Variants in TTN observed in about 807,000 individuals in gnomAD.
TTN encodes titin, also known as connectin.
In TTN, 1,525 loss-of-function variants were observed where a neutral mutation model predicts 3,223.0. That is an observed-to-expected ratio of 0.47 (90% CI 0.45 to 0.49). The LOEUF is 0.49. Ranked by LOEUF, TTN falls within the 20% of genes least tolerant of loss-of-function variation. The pLI is 0.00. For missense variants in TTN, 40,786 were observed against 43,424.0 expected (o/e 0.94, Z 5.40); for synonymous variants, 14,094 against 15,161.0 (o/e 0.93, Z 5.17).
chr2:178,778,416 C>CGGCG, intron 24 of TTN: 1 of 225,260 alleles, frequency 4.4e-6, no homozygotes, highest in Non-Finnish European at 8.8e-6. Flanking sequence ...AATTTGGAAA[C>CGGCG]AAAACAAAGC....
rs1162801145 is a variant in TTN at position 178,635,533 on chromosome 2, A to G, written c.41791T>C (p.Tyr13931His). The change falls in exon 227 of 363, where the codon TAC (tyrosine) becomes CAC (histidine). Residue 13931 changes from tyrosine to histidine, a missense_variant. Tyr to His is a moderately conservative substitution (Grantham distance 83). Transcript: ENST00000589042. ...TEILRDGNHLYLKIKNAMPED... is the reference protein window; with the variant it reads ...TEILRDGNHLHLKIKNAMPED... ...GGCATAGCATTCTTAATTTTGAGGTACAGATGATTTCCATCTCTCAGTATT... is the reference window on the plus strand; with the variant it reads ...GGCATAGCATTCTTAATTTTGAGGTGCAGATGATTTCCATCTCTCAGTATT... 1 of 1,597,436 alleles carries G rather than the reference A, an allele frequency of 6.3e-7. No individual in the cohort carries two copies. Among genetic ancestry groups the G allele is most frequent in the Non-Finnish European group, 8.5e-7 (1 of 1,170,720 alleles).
chr2:178,678,055 A>C (rs1434648945), intron 145 of TTN, 70 bp downstream of exon 145: 2 of 1,559,522 alleles, frequency 1.3e-6, no homozygotes, highest in East Asian at 2.2e-5. Flanking sequence ...AGCATTAATT[A>C]TAATTAGTAA....
rs1463600044 is a variant in TTN at position 178,793,618 on chromosome 2, C to A, written c.1399-77G>T. ...ATTAGTTCAAGACCAGCCTCGCCAACATGGTGAAATCCTCTACTAAAAAAT... is the reference window on the plus strand; with the variant it reads ...ATTAGTTCAAGACCAGCCTCGCCAAAATGGTGAAATCCTCTACTAAAAAAT... On this transcript the variant is annotated intron_variant, in intron 8 of 362. Transcript: ENST00000589042. 4.4e-6 allele frequency: 7 copies of A among 1,594,608 alleles called. No homozygotes were observed. The Admixed American group carries it at 1.2e-4, about 27-fold the overall frequency.
At position 178,727,377 on chromosome 2, in the gene TTN, G is replaced by T. The variant is rs1578104295; in HGVS notation, c.19994-6C>A. 6.3e-7 allele frequency: 1 copy of T among 1,578,448 alleles called. No individual in the cohort carries two copies. Among genetic ancestry groups the T allele is most frequent in the Non-Finnish European group, 8.6e-7 (1 of 1,163,582 alleles). On this transcript the variant is annotated splice_polypyrimidine_tract_variant and splice_region_variant and intron_variant, in intron 68 of 362. Transcript: ENST00000589042. ...CTTTACAAACTTTGGTGGTTCTAAAGAGTCAGGAAAGAGGAGAGTATCAGG... is the reference window on the plus strand; with the variant it reads ...CTTTACAAACTTTGGTGGTTCTAAATAGTCAGGAAAGAGGAGAGTATCAGG...
Position 178,706,589 on chromosome 2 carries a change from G to A in TTN, c.29285C>T (p.Thr9762Ile), listed in dbSNP as rs1347223686. The change falls in exon 102 of 363, where the codon ACA (threonine) becomes ATA (isoleucine). Residue 9762 changes from threonine (T) to isoleucine (I), a missense_variant. Physicochemically the swap from Thr to Ile is moderately conservative, Grantham distance 89. Transcript: ENST00000589042. ...TCGGTATAACCCAGAATCAGTTTTT[G>A]TGGTGTCCCTAATCTCCAGTTTTGC... ...DEAKLEIRDT[T>I]KTDSGLYRCV... 2.5e-6 allele frequency: 4 copies of A among 1,613,824 alleles called. No homozygotes were observed. Among genetic ancestry groups the A allele is most frequent in the East Asian group, 2.2e-5 (1 of 44,872 alleles).
In TTN at chr2:178,548,677, C is replaced by A; in HGVS notation, c.92949G>T (p.Val30983=). The A allele has an allele frequency of 6.2e-7, 1 of 1,613,796 alleles. No individual in the cohort carries two copies. Among genetic ancestry groups the A allele is most frequent in the Non-Finnish European group, 8.5e-7 (1 of 1,179,788 alleles). ...CTGCATCATTTCTGTTGCAGTTTTCCACAGTGAGGGTGCTGAAGGAATCTG... is the reference window on the plus strand; with the variant it reads ...CTGCATCATTTCTGTTGCAGTTTTCAACAGTGAGGGTGCTGAAGGAATCTG... ...HTTDSFSTLT[V]ENCNRNDAGK... is the part of the protein sequence containing the mutation. Residue 30983 remains valine (V), a synonymous_variant, in exon 339 of 363, where the codon GTG becomes GTT. Coordinates refer to ENST00000589042, the MANE Select transcript of TTN (RefSeq NM_001267550.2). The surrounding 1 kb of genome is among the most constrained non-coding windows in gnomAD (Gnocchi z 4.3).
At chr2:178,790,330 G>C (rs2093420351) in intron 11 of TTN, among the ~76,000 whole-genome samples, 1 of 152,132 alleles carries the variant, frequency 6.6e-6, no homozygotes, top group African/African-American at 2.4e-5. Flanking sequence ...AAAAAAATGT[G>C]ATTAGCAATA....
Position 178,545,947 on chromosome 2 carries a change from T to G in TTN, c.95289A>C (p.Pro31763=). The part of the protein sequence containing the change: ...LNWVIVEGEC[P]TLSYVVTRLI... ...GCCTGGTAACGACATAGGATAGGGT[T>G]GGGCATTCGCCTTCAACAATCACCC... The change falls in exon 343 of 363, where the codon CCA becomes CCC. Residue 31763 remains proline (P), a synonymous_variant. Coordinates refer to ENST00000589042, the MANE Select transcript of TTN (RefSeq NM_001267550.2). 1 of 1,613,886 alleles carries G rather than the reference T, an allele frequency of 6.2e-7. No individual in the cohort carries two copies. The highest frequency in any genetic ancestry group is 1.7e-5 in the Admixed American group (1 of 60,012).
In TTN at chr2:178,539,428, GC is replaced by G; in HGVS notation, c.98636del (p.Ser32879ThrfsTer4). 6.2e-7 allele frequency: 1 copy of G among 1,613,828 alleles called. No homozygotes were observed. The highest frequency in any genetic ancestry group is 8.5e-7 in the Non-Finnish European group (1 of 1,179,784). The part of the protein sequence containing the change: ...RVSAENQFGI[S>X]KPLKSEEPVT... ...CTGGTTCCTCAGATTTCAAGGGTTT[GC>G]TTATGCCAAACTGGTTTTCTGCTGA... On this transcript the variant is annotated frameshift_variant, in exon 352 of 363. Coordinates refer to ENST00000589042, the MANE Select transcript of TTN (RefSeq NM_001267550.2). LOFTEE classifies it high-confidence loss of function.
At chr2:178,583,396 A>G in intron 312 of TTN, 169 bp from the exon 313 acceptor site, 2 of 840,090 alleles carry the variant, frequency 2.4e-6, no homozygotes, top group Non-Finnish European at 3.4e-6. Context: ...TTGAATAACT[A>G]TTGAAATTAT....
Position 178,715,632 on chromosome 2 carries a change from A to G in TTN, c.25782T>C (p.Ser8594=), listed in dbSNP as rs2154297932. The change falls in exon 89 of 363, where the codon AGT becomes AGC. Residue 8594 remains serine, a synonymous_variant. Transcript: ENST00000589042. ...AGTCAACGAATGACATTCTGAATTT[A>G]CTGCTCTCTTGAATTTCAGTCTCGT... The part of the protein sequence containing the change: ...YKDETEIQES[S]KFRMSFVDSV... 1.9e-6 allele frequency: 3 copies of G among 1,613,570 alleles called. No homozygotes were observed. The East Asian group carries it at 6.7e-5, about 36-fold the overall frequency.
rs2077272281 is a variant in TTN, at chr2:178,715,064, C to T, written c.26122G>A (p.Ala8708Thr). ...TSIHILNVDA[A>T]DIGEYQCKAT... ...TTACACTGATATTCCCCAATGTCTG[C>T]AGCATCGACATTCAGGATGTGGATA... The change falls in exon 90 of 363, where the codon GCA (alanine) becomes ACA (threonine). Residue 8708 changes from alanine (A) to threonine (T), a missense_variant. Coordinates refer to ENST00000589042, the MANE Select transcript of TTN (RefSeq NM_001267550.2). 5 of 1,613,528 alleles carry T rather than the reference C, an allele frequency of 3.1e-6. No homozygotes were observed. Among genetic ancestry groups the T allele is most frequent in the Non-Finnish European group, 4.2e-6 (5 of 1,179,656 alleles).
rs1323659103 is a variant in TTN, at chr2:178,735,761, C to T, written c.14685G>A (p.Glu4895=). Residue 4895 remains glutamate, a synonymous_variant, in exon 50 of 363, where the codon GAG becomes GAA. Transcript: ENST00000589042. Reference sequence around the variant, plus strand: ...TCTTATTGATAGCGGACTGCACAGGCTCTAATTCTTTAATGAAATGTGGCT... The same window carrying T: ...TCTTATTGATAGCGGACTGCACAGGTTCTAATTCTTTAATGAAATGTGGCT... The part of the protein sequence containing the change: ...IDKPHFIKEL[E]PVQSAINKKV... 6.2e-7 allele frequency: 1 copy of T among 1,613,632 alleles called. No homozygotes were observed. The highest frequency in any genetic ancestry group is 2.2e-5 in the East Asian group (1 of 44,818).
chr2:178,572,086 A>T lies in TTN; in HGVS notation c.74046T>A (p.Gly24682=). The T allele has an allele frequency of 1.2e-6, 2 of 1,613,204 alleles. No homozygotes were observed. The highest frequency in any genetic ancestry group is 1.7e-6 in the Non-Finnish European group (2 of 1,179,544). The change falls in exon 326 of 363, where the codon GGT becomes GGA. Residue 24682 remains glycine (G), a synonymous_variant. Transcript: ENST00000589042. ...TEATITGLIQ[G]EEYSFRVSAQ... is the part of the protein sequence containing the mutation. ...CTGAAACACGGAAAGAGTATTCTTCACCCTGAATTAATCCAGTGATAGTGG... is the reference window on the plus strand; with the variant it reads ...CTGAAACACGGAAAGAGTATTCTTCTCCCTGAATTAATCCAGTGATAGTGG...
In TTN at chr2:178,790,809, C is replaced by T; in HGVS notation, c.1699G>A (p.Val567Met). ...QETEITAASM[V>M]VVATAKSTKL... ...GTGGACTTTGCAGTGGCAACTACCA[C>T]CATGGATGCAGCAGTTATCTCAGTT... Residue 567 changes from valine to methionine, a missense_variant, in exon 11 of 363, where the codon GTG becomes ATG. By Grantham distance (21) the Val-to-Met change is conservative (BLOSUM62 1). Coordinates refer to ENST00000589042, the MANE Select transcript of TTN (RefSeq NM_001267550.2). 6.2e-7 allele frequency: 1 copy of T among 1,614,072 alleles called. No homozygotes were observed. Among genetic ancestry groups the T allele is most frequent in the South Asian group, 1.1e-5 (1 of 91,076 alleles).
Position 178,560,391 on chromosome 2 carries a change from C to G in TTN, c.85741G>C (p.Glu28581Gln). ...WSRPESDGGSEISGYIIERRE... is the reference protein window; with the variant it reads ...WSRPESDGGSQISGYIIERRE... ...CTTTCAATTATATATCCAGATATTTCACTACCTCCATCACTCTCGGGTCTT... is the reference window on the plus strand; with the variant it reads ...CTTTCAATTATATATCCAGATATTTGACTACCTCCATCACTCTCGGGTCTT... The change falls in exon 326 of 363, where the codon GAA (glutamate) becomes CAA (glutamine). Residue 28581 changes from glutamate to glutamine, a missense_variant. Coordinates refer to ENST00000589042, the MANE Select transcript of TTN (RefSeq NM_001267550.2). 6.2e-7 allele frequency: 1 copy of G among 1,613,696 alleles called. No individual in the cohort carries two copies. Among genetic ancestry groups the G allele is most frequent in the Non-Finnish European group, 8.5e-7 (1 of 1,179,790 alleles).
rs1235668926 is a variant in TTN at position 178,753,164 on chromosome 2, C to A, written c.11271G>T (p.Leu3757Phe). ...CAATCTCTTGTTCAATCCTCTCATG[C>A]AAAATTGATTCAGGAGCTAAAATAG... Reference protein sequence around the residue: ...LSVEGAPESILHERIEQEIEM... With the variant: ...LSVEGAPESIFHERIEQEIEM... The change falls in exon 47 of 363, where the codon TTG becomes TTT. Residue 3757 changes from leucine to phenylalanine, a missense_variant. Transcript: ENST00000589042. The A allele has an allele frequency of 3.1e-6, 5 of 1,608,874 alleles. No homozygotes were observed. The highest frequency in any genetic ancestry group is 2.2e-5 in the East Asian group (1 of 44,548).
chr2:178,605,789 A>T, intron 278 of TTN, 76 bp from the exon 279 acceptor site: 2 of 1,231,098 alleles, frequency 1.6e-6, no homozygotes, highest in Non-Finnish European at 2.1e-6. Flanking sequence ...ACTTCAACTT[A>T]ATTATGTAAA....
Position 178,568,974 on chromosome 2 carries a change from T to C in TTN, c.77158A>G (p.Thr25720Ala), listed in dbSNP as rs748079783. Reference sequence around the variant, plus strand: ...CTGCCACCATCATGTTCAGGTTTTGTCCAACTCAGAGAGACACTGTTTCTG... The same window carrying C: ...CTGCCACCATCATGTTCAGGTTTTGCCCAACTCAGAGAGACACTGTTTCTG... ...VTRNSVSLSWTKPEHDGGSKI... is the reference protein window; with the variant it reads ...VTRNSVSLSWAKPEHDGGSKI... The change falls in exon 326 of 363, where the codon ACA becomes GCA. Residue 25720 changes from threonine to alanine, a missense_variant. Coordinates refer to ENST00000589042, the MANE Select transcript of TTN (RefSeq NM_001267550.2). The C allele has an allele frequency of 1.9e-6, 3 of 1,613,418 alleles. No individual in the cohort carries two copies. Among genetic ancestry groups the C allele is most frequent in the South Asian group, 1.1e-5 (1 of 91,060 alleles).
Sources: allele counts gnomAD v4.1 joint callset (sites outside exome capture counted in the v4.1 genomes callset), GRCh38; gene constraint gnomAD v4.1.1; non-coding constraint Gnocchi (gnomAD v3.1); transcripts MANE v1.5; gene names NCBI Gene and HGNC (gene_info 2026-07-23, HGNC 2026-07-21).